Variants in SACM1L observed in about 807,000 individuals in gnomAD.
The protein encoded by SACM1L is phosphatidylinositol-3-phosphatase SAC1.
SACM1L carries 32 observed loss-of-function variants against 89.5 expected under a neutral mutation model. The ratio of observed to expected loss-of-function variants is 0.36; its 90% CI spans 0.27 to 0.48. The LOEUF (loss-of-function observed/expected upper bound fraction) is 0.48. Among genes scored for constraint, SACM1L ranks in the 20% least tolerant of loss-of-function variants. The probability of loss-of-function intolerance (pLI) is 0.99; values close to 1 mark genes in which losing one functional copy is unlikely to be tolerated. For missense variants in SACM1L, 543 were observed against 708.5 expected, an observed-to-expected ratio of 0.77 and a Z score of 2.65; for synonymous variants, 213 against 232.8, an observed-to-expected ratio of 0.92 and a Z score of 0.77.
At chr3:45,722,835 G>A (rs368008709) in intron 9 of SACM1L, 34 bp from the exon 10 acceptor site, 1 of 1,480,120 alleles carries the variant, frequency 6.8e-7, no homozygotes, top group African/African-American at 1.4e-5. Flanking sequence ...AAGTATGTTT[G>A]TGTTTCTTTT....
At chr3:45,713,048 CAGAA>C in intron 5 of SACM1L, 85 bp from the exon 6 acceptor site, 1 of 1,061,012 alleles carries the variant, frequency 9.4e-7, no homozygotes, top group Non-Finnish European at 1.4e-6. Context: ...TTCTAGCCAT[CAGAA>C]AGAGACATTG....
At chr3:45,690,228 T>G (rs1202528939) in intron 1 of SACM1L, 1 of 152,242 alleles carries the variant, frequency 6.6e-6, no homozygotes, top group Non-Finnish European at 1.5e-5. Context: ...GGTTTTGGTT[T>G]GTCTTGGATT....
intron 11 of SACM1L, among the ~76,000 whole-genome samples, chr3:45,724,015 TTAATC>T (rs1272960262): frequency 2.0e-5 from 3 of 151,878 alleles, no homozygotes; most frequent in Non-Finnish European, 4.4e-5. Flanking sequence ...TGTTTATCCA[TTAATC>T]TATTGATGGA....
chr3:45,693,371 TGAAAG>T (rs1698044897), intron 1 of SACM1L, among the ~76,000 whole-genome samples: 1 of 152,180 alleles, frequency 6.6e-6, no homozygotes, highest in Non-Finnish European at 1.5e-5. Context: ...ACTGAGTAAA[TGAAAG>T]GAACTTTCCA....
At chr3:45,703,076 C>G (rs1224891082) in intron 1 of SACM1L, among the ~76,000 whole-genome samples, 1 of 152,160 alleles carries the variant, frequency 6.6e-6, no homozygotes, top group Non-Finnish European at 1.5e-5. Context: ...ATAAGAGGAT[C>G]AGAGAGAATG....
chr3:45,703,627 T>C, intron 2 of SACM1L, 92 bp downstream of exon 2: 1 of 782,108 alleles, frequency 1.3e-6, no homozygotes, highest in South Asian at 1.7e-5. Flanking sequence ...TGTGTCAGTG[T>C]GTGGATCTCT....
intron 16 of SACM1L, 62 bp from the exon 17 acceptor site, chr3:45,738,516 A>G: frequency 2.0e-6 from 2 of 988,622 alleles, no homozygotes; most frequent in Non-Finnish European, 1.6e-6. Context: ...CTTATTGGCC[A>G]TAAAACAGTG....
At chr3:45,724,298 G>GGTGTGTGTGTGTGTGTGT (rs61075879) in intron 11 of SACM1L, among the ~76,000 whole-genome samples, 43 of 139,814 alleles carry the variant, frequency 3.1e-4, no homozygotes, top group East Asian at 1.3e-3. Context: ...GTTGTTTTCT[G>GGTGTGTGTGTGTGTGTGT]GTGTGTGTGT....
chr3:45,701,398 C>T (rs1489150209), intron 1 of SACM1L, among the ~76,000 whole-genome samples: 1 of 152,166 alleles, frequency 6.6e-6, no homozygotes, highest in Non-Finnish European at 1.5e-5. Context: ...CGCATAGCCC[C>T]TAGTGCTTGC....
intron 8 of SACM1L, among the ~76,000 whole-genome samples, chr3:45,721,394 T>C (rs977261217): frequency 6.6e-6 from 1 of 152,178 alleles, no homozygotes; most frequent in Non-Finnish European, 1.5e-5. Flanking sequence ...TGGTGGCGCA[T>C]GCCTGTAATC....
At chr3:45,742,961 C>A (rs1439193032) in intron 19 of SACM1L, 1 of 152,198 alleles carries the variant, frequency 6.6e-6, no homozygotes, top group Non-Finnish European at 1.5e-5. Flanking sequence ...CACAGCAAGA[C>A]CCCATCTCTA....
intron 14 of SACM1L, among the ~76,000 whole-genome samples, chr3:45,737,007 C>A (rs1238248211): frequency 2.6e-5 from 4 of 152,132 alleles, no homozygotes; most frequent in African/African-American, 9.7e-5. Flanking sequence ...TGAGACAAGG[C>A]AGGGACTTGT....
chr3:45,699,088 A>G (rs1459653734), intron 1 of SACM1L, among the ~76,000 whole-genome samples: 2 of 152,118 alleles, frequency 1.3e-5, no homozygotes, highest in Non-Finnish European at 2.9e-5. Context: ...CAGTTTTTAA[A>G]TCTTATTTTT....
In SACM1L at chr3:45,727,010, C is replaced by T. The variant is rs572860815; in HGVS notation, c.921+3467C>T. ...ACGCCATTCTCCTGCCTCAGCCTCC[C>T]GAGTAGCTGGGACTACAGGCGCCCG... On this transcript the variant is annotated intron_variant, in intron 11 of 19. Transcript: ENST00000389061. Among the ~76,000 whole-genome samples the T allele has an allele frequency of 6.4e-4, 47 of 73,638 alleles. 19 individuals carry two copies. Among genetic ancestry groups the T allele is most frequent in the Middle Eastern group, 0.012 (2 of 164 alleles). The allele number at this position is 73,638 out of a possible 152,430, so 48.3% of individuals were successfully genotyped here.
chr3:45,727,741 G>A (rs910610033), intron 11 of SACM1L, among the ~76,000 whole-genome samples: 6 of 151,988 alleles, frequency 3.9e-5, no homozygotes, highest in Non-Finnish European at 5.9e-5. Context: ...GACTACAGGC[G>A]CCCACCACCA....
At chr3:45,697,269 CTTTTTT>C (rs869095037) in intron 1 of SACM1L, among the ~76,000 whole-genome samples, 3 of 92,120 alleles carry the variant, frequency 3.3e-5, no homozygotes, top group African/African-American at 8.7e-5. Flanking sequence ...TTTTCTTTTC[CTTTTTT>C]TTTTTTTTTT....
At chr3:45,695,512 C>T (rs187401776) in intron 1 of SACM1L, among the ~76,000 whole-genome samples, 31 of 152,256 alleles carry the variant, frequency 2.0e-4, no homozygotes, top group Admixed American at 3.3e-4. Context: ...CCACCTGCCT[C>T]GGCCTCCCAA....
At chr3:45,714,158 C>A (rs2125692550) in intron 7 of SACM1L, 79 bp downstream of exon 7, 2 of 780,794 alleles carry the variant, frequency 2.6e-6, no homozygotes, top group Non-Finnish European at 4.0e-6. Flanking sequence ...TAGAGATAGT[C>A]TCAAATACTC....
chr3:45,738,989 A>G (rs1699261554), intron 18 of SACM1L, 116 bp downstream of exon 18: 2 of 656,660 alleles, frequency 3.0e-6, no homozygotes, highest in Non-Finnish European at 5.3e-6. Context: ...TACATGAAAT[A>G]TAAATACTTA....
Sources: allele counts gnomAD v4.1 joint callset (sites outside exome capture counted in the v4.1 genomes callset), GRCh38; gene constraint gnomAD v4.1.1; transcripts MANE v1.5; gene names NCBI Gene and HGNC (gene_info 2026-07-23, HGNC 2026-07-21).